The following LRRC37A2 variants were observed in gnomAD, a reference collection of about 807,000 sequenced individuals.
The protein encoded by LRRC37A2 is leucine rich repeat containing 37 member A2.
In LRRC37A2, 9 loss-of-function variants were observed where a neutral mutation model predicts 68.8. The observed-to-expected ratio is 0.13, with a 90% CI of 0.08 to 0.23. The LOEUF (loss-of-function observed/expected upper bound fraction) is 0.23. LRRC37A2 is among the 10% of genes least tolerant of loss of function. LRRC37A2 has a pLI of 1.00. For missense variants in LRRC37A2, 168 were observed against 950.4 expected (o/e 0.18, Z 10.82); for synonymous variants, 63 against 367.6 (o/e 0.17, Z 9.48).
the LRRC37A2 span, among the ~76,000 whole-genome samples, chr17:46,892,345 C>T: frequency 3.9e-5 from 6 of 152,126 alleles, no homozygotes; most frequent in Admixed American, 1.3e-4. Context: ...CCTCAAGGTA[C>T]ACCACAGCCC....
chr17:46,903,951 A>C, the LRRC37A2 span, among the ~76,000 whole-genome samples: 1 of 150,298 alleles, frequency 6.7e-6, no homozygotes. Context: ...TAGATGGATG[A>C]AAGGGTTGGA....
chr17:46,876,176 G>A, the LRRC37A2 span: 1 of 1,438,066 alleles, frequency 7.0e-7, no homozygotes. Context: ...TGGGGTTGGT[G>A]CTCTGGGGGC....
the LRRC37A2 span, among the ~76,000 whole-genome samples, chr17:46,887,620 C>T: frequency 6.6e-6 from 1 of 151,898 alleles, no homozygotes; most frequent in Non-Finnish European, 1.5e-5. Context: ...AGAAATTAGC[C>T]GGGCATGGTG....
At chr17:46,935,452 C>G in the LRRC37A2 span, 1 of 1,397,540 alleles carries the variant, frequency 7.2e-7, no homozygotes, top group East Asian at 2.6e-5. Context: ...AGTGCTACTA[C>G]GAGGGGTCCA....
At chr17:46,873,092 A>T in the LRRC37A2 span, among the ~76,000 whole-genome samples, 5 of 28,510 alleles carry the variant, frequency 1.8e-4, no homozygotes, top group African/African-American at 5.2e-4. Flanking sequence ...CTCTTCACAC[A>T]CACACACACA....
the LRRC37A2 span, among the ~76,000 whole-genome samples, chr17:46,714,739 CAAG>C: frequency 6.6e-6 from 1 of 152,154 alleles, no homozygotes; most frequent in Non-Finnish European, 1.5e-5. Context: ...TACTGCCAGT[CAAG>C]AAATTATTTT....
chr17:46,815,485 G>T, the LRRC37A2 span, among the ~76,000 whole-genome samples: 1 of 152,146 alleles, frequency 6.6e-6, no homozygotes, highest in Non-Finnish European at 1.5e-5. Flanking sequence ...AGCTGGGTGG[G>T]CCAAAGAGGG....
the LRRC37A2 span, among the ~76,000 whole-genome samples, chr17:46,759,735 C>T: frequency 5.9e-5 from 9 of 152,148 alleles, no homozygotes; most frequent in Non-Finnish European, 1.3e-4. Flanking sequence ...TTCTTTTTCC[C>T]TACCTTCTTT....
the LRRC37A2 span, among the ~76,000 whole-genome samples, chr17:46,905,871 T>C: frequency 6.6e-6 from 1 of 151,558 alleles, no homozygotes. Context: ...TGCCCAGCCC[T>C]CCAGACCAGG....
At chr17:46,734,103 A>C in the LRRC37A2 span, among the ~76,000 whole-genome samples, 1 of 152,200 alleles carries the variant, frequency 6.6e-6, no homozygotes, top group African/African-American at 2.4e-5. Context: ...TAGCAGTCTT[A>C]CTTCAGATAT....
the LRRC37A2 span, among the ~76,000 whole-genome samples, chr17:46,731,159 TAAAA>T: frequency 6.6e-6 from 1 of 151,616 alleles, no homozygotes; most frequent in African/African-American, 2.4e-5. Flanking sequence ...TACTCAGCAA[TAAAA>T]AAAAGTAGTA....
the LRRC37A2 span, chr17:46,931,099 T>C: frequency 2.0e-6 from 3 of 1,480,422 alleles, no homozygotes; most frequent in Non-Finnish European, 2.8e-6. Context: ...TTTTGTACAG[T>C]AGTAGAAAAC....
the LRRC37A2 span, among the ~76,000 whole-genome samples, chr17:46,870,205 A>C: frequency 6.6e-6 from 1 of 152,138 alleles, no homozygotes; most frequent in African/African-American, 2.4e-5. Flanking sequence ...TCTGAAACAC[A>C]GGAATTGTGT....
At chr17:46,943,856 C>T in the LRRC37A2 span, among the ~76,000 whole-genome samples, 1 of 152,198 alleles carries the variant, frequency 6.6e-6, no homozygotes, top group Non-Finnish European at 1.5e-5. Context: ...GTAGAGTGAC[C>T]AACTTGTCTG....
At chr17:46,971,292 G>T in the LRRC37A2 span, among the ~76,000 whole-genome samples, 1 of 152,054 alleles carries the variant, frequency 6.6e-6, no homozygotes, top group East Asian at 1.9e-4. Flanking sequence ...AGCTGAGATC[G>T]CACTACTGCA....
the LRRC37A2 span, among the ~76,000 whole-genome samples, chr17:46,768,031 G>A: frequency 5.3e-5 from 8 of 152,032 alleles, no homozygotes; most frequent in Admixed American, 3.3e-4. This position sits in a 1 kb window ranked among gnomAD's most constrained non-coding sequence, Gnocchi z 5.0. Flanking sequence ...CAGGTGATCC[G>A]TCCACCTCGG....
chr17:46,940,654 C>G, the LRRC37A2 span: 1 of 1,612,886 alleles, frequency 6.2e-7, no homozygotes, highest in African/African-American at 1.3e-5. Context: ...AGTCCCCGCA[C>G]CCATCATGCG....
chr17:46,986,758 C>T, the LRRC37A2 span, among the ~76,000 whole-genome samples: 19 of 152,194 alleles, frequency 1.2e-4, no homozygotes, highest in Non-Finnish European at 1.9e-4. Flanking sequence ...ATCCTATGTG[C>T]GTCTTCCTTT....
chr17:46,941,470 G>T, the LRRC37A2 span: 12 of 977,988 alleles, frequency 1.2e-5, no homozygotes, highest in Non-Finnish European at 1.5e-5. Context: ...GCCAGGGGCT[G>T]GGCTGGCTGC....
Sources: gnomAD v4.1 joint callset for allele counts (sites outside exome capture counted in the v4.1 genomes callset) on GRCh38, gnomAD v4.1.1 for gene constraint, Gnocchi (gnomAD v3.1) non-coding constraint, MANE v1.5 for transcripts, NCBI Gene and HGNC (gene_info 2026-07-23, HGNC 2026-07-21) for gene names.